Variants in SENP5 observed in about 807,000 individuals in gnomAD.
SENP5 encodes the protein sentrin-specific protease 5.
In SENP5, 21 loss-of-function variants were observed where a neutral mutation model predicts 74.2. The ratio of observed to expected loss-of-function variants is 0.28; its 90% CI spans 0.20 to 0.41. The LOEUF (loss-of-function observed/expected upper bound fraction) is 0.41. SENP5 is among the 10% of genes least tolerant of loss of function. SENP5 has a pLI of 1.00. For missense variants in SENP5, 717 were observed against 889.1 expected (o/e 0.81, Z 2.46); for synonymous variants, 311 against 312.7 (o/e 0.99, Z 0.06).
chr3:196,918,559 A>G (rs1168065050), intron 6 of SENP5, among the ~76,000 whole-genome samples: 1 of 152,066 alleles, frequency 6.6e-6, no homozygotes, highest in African/African-American at 2.4e-5. Flanking sequence ...AAACTATACT[A>G]CCAGAGAAAA....
At chr3:196,928,044 G>A (rs1715881784) in intron 8 of SENP5, among the ~76,000 whole-genome samples, 165 bp downstream of exon 8, 1 of 152,302 alleles carries the variant, frequency 6.6e-6, no homozygotes, top group East Asian at 1.9e-4. Flanking sequence ...ATTCATCATC[G>A]CTGCTCAGTT....
chr3:196,901,959 A>G (rs1392872033), intron 5 of SENP5, among the ~76,000 whole-genome samples: 1 of 152,198 alleles, frequency 6.6e-6, no homozygotes, highest in East Asian at 1.9e-4. Flanking sequence ...CTGAGACTCC[A>G]TCCCACACCT....
intron 6 of SENP5, chr3:196,912,978 AG>A (rs1715198808): frequency 1.3e-5 from 2 of 152,242 alleles, no homozygotes; most frequent in African/African-American, 4.8e-5. Flanking sequence ...ATAGAATTTA[AG>A]GTGAGAAGCA....
At chr3:196,869,347 G>A (rs990786086) in intron 1 of SENP5, among the ~76,000 whole-genome samples, 4 of 151,912 alleles carry the variant, frequency 2.6e-5, no homozygotes, top group African/African-American at 9.7e-5. Flanking sequence ...GGGATTACAG[G>A]TGCCCGCCAT....
At chr3:196,900,529 G>T in intron 5 of SENP5, 117 bp downstream of exon 5, 2 of 786,394 alleles carry the variant, frequency 2.5e-6, no homozygotes, top group Non-Finnish European at 3.9e-6. Flanking sequence ...TTTAAAAGAA[G>T]AGTTCAATTT....
chr3:196,874,321 G>C (rs1234433687), intron 1 of SENP5, among the ~76,000 whole-genome samples: 1 of 151,028 alleles, frequency 6.6e-6, no homozygotes, highest in African/African-American at 2.4e-5. Flanking sequence ...CTTTACCCAG[G>C]CTTCTTGAAC....
Position 196,897,392 on chromosome 3 carries a change from G to A in SENP5, c.1514-2274G>A, listed in dbSNP as rs114242346. On this transcript the variant is annotated intron_variant, in intron 2 of 9. Coordinates refer to ENST00000323460, the MANE Select transcript of SENP5 (RefSeq NM_152699.5). ...AATCTTTATCTGATACCCTGATGAAGTTGGAGCATGGGACTATCTTCCTGT... is the reference window on the plus strand; with the variant it reads ...AATCTTTATCTGATACCCTGATGAAATTGGAGCATGGGACTATCTTCCTGT... 6.4e-3 allele frequency among the ~76,000 whole-genome samples: 978 copies of A among 152,310 alleles called. 11 individuals carry two copies. The highest frequency in any genetic ancestry group is 0.022 in the African/African-American group (930 of 41,564).
intron 4 of SENP5, 96 bp downstream of exon 4, chr3:196,900,158 A>AT (rs1290527596): frequency 1.4e-6 from 2 of 1,469,182 alleles, no homozygotes; most frequent in Non-Finnish European, 1.8e-6. Context: ...GTCTTTTGGA[A>AT]TAAGGATTCT....
intron 1 of SENP5, among the ~76,000 whole-genome samples, chr3:196,875,534 C>CT (rs751980102): frequency 6.6e-6 from 1 of 152,048 alleles, no homozygotes; most frequent in Non-Finnish European, 1.5e-5. Context: ...TTCCGTGCCT[C>CT]TAAGTGTTAC....
chr3:196,868,903 C>G (rs1713074235), intron 1 of SENP5, among the ~76,000 whole-genome samples: 1 of 24,356 alleles, frequency 4.1e-5, no homozygotes. Flanking sequence ...GCATTTTGCC[C>G]GGAATAACTA....
intron 7 of SENP5, among the ~76,000 whole-genome samples, chr3:196,926,110 C>A (rs1715800676): frequency 6.6e-6 from 1 of 152,172 alleles, no homozygotes; most frequent in African/African-American, 2.4e-5. Flanking sequence ...CACTTGAACC[C>A]TTAGAGATGC....
At chr3:196,890,301 A>G (rs767068116) in intron 2 of SENP5, among the ~76,000 whole-genome samples, 10 of 152,214 alleles carry the variant, frequency 6.6e-5, no homozygotes, top group South Asian at 2.1e-4. Context: ...CCTTTAAGGG[A>G]CTTCTACAAC....
chr3:196,885,015 A>T, intron 1 of SENP5, 136 bp from the exon 2 acceptor site: 1 of 576,370 alleles, frequency 1.7e-6, no homozygotes, highest in Non-Finnish European at 3.0e-6. Context: ...GTCAGATAAG[A>T]TTTCATTGTG....
At chr3:196,903,773 G>T (rs1169576503) in intron 6 of SENP5, among the ~76,000 whole-genome samples, 163 bp downstream of exon 6, 1 of 152,218 alleles carries the variant, frequency 6.6e-6, no homozygotes, top group African/African-American at 2.4e-5. Context: ...TTGTTTGAAA[G>T]ACCTTAATTG....
At chr3:196,893,640 T>C (rs1258401669) in intron 2 of SENP5, among the ~76,000 whole-genome samples, 1 of 152,164 alleles carries the variant, frequency 6.6e-6, no homozygotes, top group African/African-American at 2.4e-5. Context: ...CCGGGCGCGG[T>C]GGCTCATGCC....
intron 1 of SENP5, among the ~76,000 whole-genome samples, chr3:196,873,521 A>G (rs1713310944): frequency 6.6e-6 from 1 of 152,008 alleles, no homozygotes; most frequent in African/African-American, 2.4e-5. Flanking sequence ...CTGTAGGTAA[A>G]TTATATCTTT....
intron 5 of SENP5, among the ~76,000 whole-genome samples, chr3:196,902,570 AT>A (rs1476387238): frequency 6.6e-6 from 1 of 152,194 alleles, no homozygotes; most frequent in African/African-American, 2.4e-5. Flanking sequence ...AGGCCTGATA[AT>A]TTGGATTTCT....
In SENP5 at chr3:196,934,368, G is replaced by A. The variant is rs987377034; in HGVS notation, c.*3445G>A. Reference sequence around the variant, plus strand: ...CCATAACGGGGTTCTGGGCAGGTCAGACTCTTCAGCAAGACAGTGTATTAA... The same window carrying A: ...CCATAACGGGGTTCTGGGCAGGTCAAACTCTTCAGCAAGACAGTGTATTAA... On this transcript the variant is annotated 3_prime_UTR_variant, in exon 10 of 10. Coordinates refer to ENST00000323460, the MANE Select transcript of SENP5 (RefSeq NM_152699.5). 1 of 152,210 alleles carries A rather than the reference G, an allele frequency of 6.6e-6. No individual in the cohort carries two copies. The highest frequency in any genetic ancestry group is 2.4e-5 in the African/African-American group (1 of 41,444). The allele number at this position is 152,210 out of a possible 1,614,324, so 9.4% of individuals were successfully genotyped here.
At chr3:196,883,060 A>G (rs1253165549) in intron 1 of SENP5, among the ~76,000 whole-genome samples, 5 of 151,928 alleles carry the variant, frequency 3.3e-5, no homozygotes, top group Non-Finnish European at 5.9e-5. Flanking sequence ...CATATGCAGT[A>G]TATAATTCCA....
Sources: gnomAD v4.1 joint callset for allele counts (sites outside exome capture counted in the v4.1 genomes callset) on GRCh38, gnomAD v4.1.1 for gene constraint, MANE v1.5 for transcripts, NCBI Gene and HGNC (gene_info 2026-07-23, HGNC 2026-07-21) for gene names.